FAM135A: variants seen among roughly 807,000 people sequenced by gnomAD.
FAM135A encodes the protein protein FAM135A.
FAM135A carries 79 observed loss-of-function variants against 146.8 expected under a neutral mutation model. That is an observed-to-expected ratio of 0.54 (90% CI 0.45 to 0.65). The LOEUF (loss-of-function observed/expected upper bound fraction) is 0.65, where lower values mean the gene tolerates loss of function less well. Among genes scored for constraint, FAM135A ranks in the 30% least tolerant of loss-of-function variants. The pLI, the probability that FAM135A is intolerant of heterozygous loss-of-function variation, is 0.00. For synonymous variants in FAM135A, 562 were observed against 603.6 expected, an observed-to-expected ratio of 0.93 and a Z score of 1.01; for missense variants, 1,623 against 1,758.2, an observed-to-expected ratio of 0.92 and a Z score of 1.38.
intron 18 of FAM135A, among the ~76,000 whole-genome samples, chr6:70,534,959 T>G (rs774185496): frequency 9.2e-5 from 14 of 152,196 alleles, no homozygotes; most frequent in Admixed American, 2.0e-4. Flanking sequence ...AGGAAGAGAT[T>G]ATTTTCTTGT....
intron 12 of FAM135A, among the ~76,000 whole-genome samples, chr6:70,519,917 T>G (rs887530673): frequency 4.0e-5 from 6 of 151,696 alleles, no homozygotes; most frequent in Non-Finnish European, 8.8e-5. Context: ...ATGATATATA[T>G]GATAATAATT....
intron 4 of FAM135A, among the ~76,000 whole-genome samples, chr6:70,436,184 CAA>C (rs34761222): frequency 5.5e-4 from 35 of 63,970 alleles, no homozygotes; most frequent in Non-Finnish European, 3.5e-4. Context: ...GATTCTGTCT[CAA>C]AAAAAAAAAA....
intron 12 of FAM135A, among the ~76,000 whole-genome samples, chr6:70,522,280 G>A (rs891271926): frequency 1.3e-5 from 2 of 151,694 alleles, no homozygotes; most frequent in Non-Finnish European, 2.9e-5. Context: ...TAAGACAAAA[G>A]GTGGTAAAGG....
At chr6:70,521,099 T>C (rs1793478138) in intron 12 of FAM135A, among the ~76,000 whole-genome samples, 2 of 152,186 alleles carry the variant, frequency 1.3e-5, no homozygotes, top group South Asian at 4.1e-4. Context: ...TTTTTTTTTG[T>C]TTGTTTTTTC....
Position 70,559,814 on chromosome 6 carries a change from A to T in FAM135A, c.4441A>T (p.Asn1481Tyr), listed in dbSNP as rs1184399051. The T allele has an allele frequency of 1.9e-6, 3 of 1,614,162 alleles. No homozygotes were observed. The highest frequency in any genetic ancestry group is 2.5e-6 in the Non-Finnish European group (3 of 1,180,012). Residue 1481 changes from asparagine to tyrosine, a missense_variant, in exon 22 of 22, where the codon AAT (asparagine) becomes TAT (tyrosine). This residue lies in a region of FAM135A where 138 missense variants were observed against 174.1 expected (regional missense o/e 0.79). Transcript: ENST00000418814. ...CTATAATGTCATCAATGCATTGCCC[A>T]ATACAGCTGATTCACTCATTGGGAG... The part of the protein sequence containing the change: ...VRYNVINALP[N>Y]TADSLIGRAA...
chr6:70,441,792 C>T (rs1262798495), intron 4 of FAM135A, among the ~76,000 whole-genome samples: 1 of 151,098 alleles, frequency 6.6e-6, no homozygotes, highest in Admixed American at 6.6e-5. Flanking sequence ...TCAAGCGATT[C>T]TCCTGCCTCA....
At chr6:70,515,975 A>G (rs550966659) in intron 12 of FAM135A, among the ~76,000 whole-genome samples, 4 of 152,184 alleles carry the variant, frequency 2.6e-5, no homozygotes, top group East Asian at 3.9e-4. Flanking sequence ...AAACATTTCA[A>G]TTATCTTGGT....
chr6:70,519,642 C>T (rs1327486174), intron 12 of FAM135A, among the ~76,000 whole-genome samples: 3 of 152,164 alleles, frequency 2.0e-5, no homozygotes, highest in East Asian at 3.9e-4. Context: ...CAAAAGTAGC[C>T]GAAGGCTCAG....
chr6:70,480,668 G>A (rs1783524147), intron 8 of FAM135A, among the ~76,000 whole-genome samples: 1 of 152,088 alleles, frequency 6.6e-6, no homozygotes, highest in African/African-American at 2.4e-5. Context: ...GAGACTTCCA[G>A]AAGTCTAATT....
chr6:70,539,923 G>C (rs577682227), intron 20 of FAM135A, among the ~76,000 whole-genome samples: 18 of 152,332 alleles, frequency 1.2e-4, no homozygotes, highest in Non-Finnish European at 2.2e-4. Flanking sequence ...GTGAACCTGG[G>C]AGGCGGAGCT....
In FAM135A at chr6:70,524,335, G is replaced by A; in HGVS notation, c.1259-8G>A. 1 of 1,467,766 alleles carries A rather than the reference G, an allele frequency of 6.8e-7. No homozygotes were observed. Among genetic ancestry groups the A allele is most frequent in the Middle Eastern group, 1.9e-4 (1 of 5,292 alleles). 90.9% of individuals were successfully genotyped at this position (1,467,766 alleles called of 1,614,324 possible). A position where few individuals can be genotyped will look rare whatever the true frequency, so the allele number is the denominator to read the frequency against. On this transcript the variant is annotated splice_polypyrimidine_tract_variant and splice_region_variant and intron_variant, in intron 14 of 21. Transcript: ENST00000418814. ...TTAAACCTGAATCTTTTTTTCTTTG[G>A]ATAAAAGACTTAGATGCACCCTGGA...
At chr6:70,418,229 A>G (rs764118758) in intron 2 of FAM135A, 4 of 152,232 alleles carry the variant, frequency 2.6e-5, no homozygotes, top group Non-Finnish European at 4.4e-5. Context: ...AAAGTTGTAT[A>G]TGTGAGTGAT....
intron 20 of FAM135A, among the ~76,000 whole-genome samples, chr6:70,548,886 C>T (rs1799316088): frequency 6.7e-6 from 1 of 150,192 alleles, no homozygotes; most frequent in Non-Finnish European, 1.5e-5. Context: ...AAAAAATGGA[C>T]AAAAGAGAAA....
chr6:70,454,434 G>A (rs1350634898), intron 5 of FAM135A, among the ~76,000 whole-genome samples: 1 of 152,130 alleles, frequency 6.6e-6, no homozygotes, highest in Non-Finnish European at 1.5e-5. Flanking sequence ...TGTCAATTCT[G>A]GCTTTTGTTG....
intron 10 of FAM135A, among the ~76,000 whole-genome samples, chr6:70,485,379 G>A (rs1005538102): frequency 1.1e-4 from 17 of 151,920 alleles, no homozygotes; most frequent in African/African-American, 3.9e-4. Context: ...AATGCATCCT[G>A]TAAGAAAACA....
chr6:70,447,446 C>A (rs1776010974), intron 4 of FAM135A, among the ~76,000 whole-genome samples: 1 of 152,198 alleles, frequency 6.6e-6, no homozygotes, highest in African/African-American at 2.4e-5. Context: ...GTAAACAAGA[C>A]CTGCCTAGAA....
intron 12 of FAM135A, among the ~76,000 whole-genome samples, chr6:70,511,453 C>T (rs936313795): frequency 2.0e-5 from 3 of 151,896 alleles, no homozygotes; most frequent in African/African-American, 7.2e-5. Context: ...ATACTTATTA[C>T]ATGCAATGGA....
Position 70,560,662 on chromosome 6 carries a change from G to A in FAM135A, c.*741G>A, listed in dbSNP as rs1372690178. ...GAATGCCCTCTGCCTTGATTTGGTT[G>A]GAATTTTTGCTAAATTGGTAATGTT... On this transcript the variant is annotated 3_prime_UTR_variant, in exon 22 of 22. Transcript: ENST00000418814. 6.6e-6 allele frequency: 1 copy of A among 152,270 alleles called. No individual in the cohort carries two copies. The highest frequency in any genetic ancestry group is 1.5e-5 in the Non-Finnish European group (1 of 67,902). The allele number at this position is 152,270 out of a possible 1,614,324, so 9.4% of individuals were successfully genotyped here.
At chr6:70,440,883 A>G (rs1003241373) in intron 4 of FAM135A, among the ~76,000 whole-genome samples, 8 of 152,162 alleles carry the variant, frequency 5.3e-5, no homozygotes, top group South Asian at 4.1e-4. Context: ...TTGTGCATTT[A>G]TTAGCTGGAA....
Sources: allele counts gnomAD v4.1 joint callset (sites outside exome capture counted in the v4.1 genomes callset), GRCh38; gene constraint gnomAD v4.1.1; regional missense constraint gnomAD v4.1.1; transcripts MANE v1.5; gene names NCBI Gene and HGNC (gene_info 2026-07-23, HGNC 2026-07-21).